Variants in HMCN2 observed in about 807,000 individuals in gnomAD.
HMCN2 encodes hemicentin-2.
A neutral mutation model predicts 377.5 loss-of-function variants in HMCN2; 325 were observed. That is an observed-to-expected ratio of 0.86 (90% CI 0.79 to 0.94). The LOEUF is 0.94. Ranked by LOEUF, HMCN2 falls within the 40% of genes least tolerant of loss-of-function variation. HMCN2 has a pLI of 0.00. For synonymous variants in HMCN2, 2,007 were observed against 2,046.8 expected, an observed-to-expected ratio of 0.98 and a Z score of 0.53; for missense variants, 4,543 against 4,725.3, an observed-to-expected ratio of 0.96 and a Z score of 1.13.
rs1381133379 is a variant in HMCN2 at position 130,265,914 on chromosome 9, C to G, written c.36C>G (p.Thr12=). 1.9e-5 allele frequency: 7 copies of G among 377,818 alleles called. No homozygotes were observed. Among genetic ancestry groups the G allele is most frequent in the African/African-American group, 1.8e-4 (7 of 39,052 alleles). 23.4% of individuals were successfully genotyped at this position (377,818 alleles called of 1,614,324 possible). Residue 12 remains threonine, a synonymous_variant, in exon 1 of 98, where the codon ACC becomes ACG. Coordinates refer to ENST00000683500, the MANE Select transcript of HMCN2 (RefSeq NM_001291815.2). ...MPGAPLLRLL[T]AVSAAVAVAV... ...GGGCGCCGCTCCTGCGGCTGCTGACCGCGGTCTCTGCGGCAGTGGCAGTGG... is the reference window on the plus strand; with the variant it reads ...GGGCGCCGCTCCTGCGGCTGCTGACGGCGGTCTCTGCGGCAGTGGCAGTGG...
intron 19 of HMCN2, among the ~76,000 whole-genome samples, chr9:130,325,096 C>CTTTTTTTTTTT (rs878863979): frequency 1.6e-5 from 2 of 128,066 alleles, no homozygotes; most frequent in Non-Finnish European, 3.2e-5. Context: ...TCTTCTTCTT[C>CTTTTTTTTTTT]TTTTTTTTTT....
Position 130,265,957 on chromosome 9 carries a change from G to A in HMCN2, c.79G>A (p.Gly27Arg), listed in dbSNP as rs1217148879. 6.6e-6 allele frequency: 3 copies of A among 455,048 alleles called. No individual in the cohort carries two copies. Among genetic ancestry groups the A allele is most frequent in the Non-Finnish European group, 1.4e-5 (3 of 219,944 alleles). The allele number at this position is 455,048 out of a possible 1,614,324, so 28.2% of individuals were successfully genotyped here. Reference sequence around the variant, plus strand: ...GGCAGTGGCAGTGGCCGGGGCGCCCGGGACGGTAATGCCCCCCACCACGGG... The same window carrying A: ...GGCAGTGGCAGTGGCCGGGGCGCCCAGGACGGTAATGCCCCCCACCACGGG... ...AVAVAVAGAPGTVMPPTTGDA... is the reference protein window; with the variant it reads ...AVAVAVAGAPRTVMPPTTGDA... Residue 27 changes from glycine (G) to arginine (R), a missense_variant, in exon 1 of 98, where the codon GGG becomes AGG. Gly to Arg is a moderately radical substitution (Grantham distance 125). Around this residue, in one of 5 missense-constraint regions of HMCN2, gnomAD observed 547 missense variants for 189.9 expected, o/e 2.88. Transcript: ENST00000683500.
intron 85 of HMCN2, among the ~76,000 whole-genome samples, chr9:130,411,306 G>T (rs559514448): frequency 5.9e-5 from 9 of 151,894 alleles, no homozygotes; most frequent in African/African-American, 2.2e-4. Context: ...CCTTAAAAAG[G>T]AAGGAAATTC....
intron 27 of HMCN2, 24 bp downstream of exon 27, chr9:130,348,699 G>C (rs146098786): frequency 5.7e-5 from 74 of 1,302,512 alleles, no homozygotes; most frequent in Non-Finnish European, 7.4e-5. Context: ...TAGGGTGGGC[G>C]GGGTATGGGT....
chr9:130,398,538 G>C lies in HMCN2; in HGVS notation c.11327-13G>C. ...CCCCTGCACCTGTCTCCTGACCACT[G>C]TGCTCTCCCCAGAGCCTCCAGCCAT... is the stretch of plus-strand genomic sequence containing the variant. On this transcript the variant is annotated splice_polypyrimidine_tract_variant and intron_variant, in intron 74 of 97. Transcript: ENST00000683500. The C allele has an allele frequency of 8.3e-7, 1 of 1,205,174 alleles. No individual in the cohort carries two copies. 74.7% of individuals were successfully genotyped at this position (1,205,174 alleles called of 1,614,324 possible). A position where few individuals can be genotyped will look rare whatever the true frequency, so the allele number is the denominator to read the frequency against.
intron 40 of HMCN2, 95 bp downstream of exon 40, chr9:130,363,085 G>A: frequency 2.1e-6 from 2 of 953,970 alleles, no homozygotes; most frequent in Non-Finnish European, 2.5e-6. Flanking sequence ...GAGAGGCTGG[G>A]TGGATGGAGG....
In HMCN2 at chr9:130,399,430, C is replaced by T. The variant is rs113060288; in HGVS notation, c.11484-81C>T. The T allele has an allele frequency of 2.1e-5, 25 of 1,176,036 alleles. No individual in the cohort carries two copies. In the African/African-American group the frequency reaches 2.5e-4, roughly 12 times the overall value. The allele number at this position is 1,176,036 out of a possible 1,614,324, so 72.9% of individuals were successfully genotyped here. A position where few individuals can be genotyped will look rare whatever the true frequency, so the allele number is the denominator to read the frequency against. ...GTCAGATACAGGAAGGGGAAATGGG[C>T]GTGAGACCCCCACAGCCAGAAAGCC... is the stretch of plus-strand genomic sequence containing the variant. On this transcript the variant is annotated intron_variant, in intron 75 of 97. Transcript: ENST00000683500.
chr9:130,372,377 G>T lies in HMCN2; in HGVS notation c.7321G>T (p.Ala2441Ser). The change falls in exon 47 of 98, where the codon GCA becomes TCA. Residue 2441 changes from alanine to serine, a missense_variant. Physicochemically the swap from Ala to Ser is moderately conservative, Grantham distance 99. Transcript: ENST00000683500. ...CCTGGCAAGCAACGAGGCTGGGGAG[G>T]CACGGAGGAACTTCAGTGTGGAGGT... ...SCLASNEAGE[A>S]RRNFSVEVLV... 1.0e-6 allele frequency: 1 copy of T among 985,886 alleles called. No homozygotes were observed. The highest frequency in any genetic ancestry group is 1.2e-6 in the Non-Finnish European group (1 of 829,992). The allele number at this position is 985,886 out of a possible 1,614,324, so 61.1% of individuals were successfully genotyped here. A position where few individuals can be genotyped will look rare whatever the true frequency, so the allele number is the denominator to read the frequency against.
At chr9:130,326,077 C>G (rs1338946785) in intron 21 of HMCN2, 107 bp downstream of exon 21, 1 of 152,268 alleles carries the variant, frequency 6.6e-6, no homozygotes, top group Non-Finnish European at 1.5e-5. Context: ...GTTGCATCAG[C>G]AAGTCCTGCA....
chr9:130,354,691 C>G, intron 31 of HMCN2, 72 bp from the exon 32 acceptor site: 1 of 1,192,306 alleles, frequency 8.4e-7, no homozygotes, highest in Non-Finnish European at 1.1e-6. Flanking sequence ...CTTCAGCGGG[C>G]CTGTTGGGCT....
Position 130,395,989 on chromosome 9 carries a change from T to A in HMCN2, c.10977T>A (p.Ala3659=), listed in dbSNP as rs534880527. Residue 3659 remains alanine (A), a synonymous_variant, in exon 72 of 98, where the codon GCT becomes GCA. Transcript: ENST00000683500. ...TCCAGCTGCAGGCCCTGAGCACGGC[T>A]GACAGCGGCGACTACAGCTGCACAG... The part of the protein sequence containing the change: ...RFLQLQALST[A]DSGDYSCTAR... 7.8e-7 allele frequency: 1 copy of A among 1,287,582 alleles called. No individual in the cohort carries two copies. The highest frequency in any genetic ancestry group is 5.6e-5 in the East Asian group (1 of 18,016). The allele number at this position is 1,287,582 out of a possible 1,614,324, so 79.8% of individuals were successfully genotyped here.
At chr9:130,363,366 GC>G (rs1271345298) in intron 40 of HMCN2, among the ~76,000 whole-genome samples, 15 of 152,102 alleles carry the variant, frequency 9.9e-5, no homozygotes, top group African/African-American at 3.6e-4. Context: ...GCTTCTCTCG[GC>G]CACCATTTCT....
At chr9:130,284,882 C>A (rs1835336457) in intron 2 of HMCN2, among the ~76,000 whole-genome samples, 1 of 152,220 alleles carries the variant, frequency 6.6e-6, no homozygotes, top group Non-Finnish European at 1.5e-5. Flanking sequence ...CGGTGCTGGG[C>A]TTATTGGTGT....
Position 130,430,319 on chromosome 9 carries a change from G to A in HMCN2, c.14362G>A (p.Ala4788Thr), listed in dbSNP as rs763701384. The change falls in exon 95 of 98, where the codon GCC (alanine) becomes ACC (threonine). Residue 4788 changes from alanine to threonine, a missense_variant. By Grantham distance (58) the Ala-to-Thr change is moderately conservative (BLOSUM62 0). This residue lies in a region of HMCN2 where 1,155 missense variants were observed against 1,157.7 expected (regional missense o/e 1.00). Coordinates refer to ENST00000683500, the MANE Select transcript of HMCN2 (RefSeq NM_001291815.2). ...NECLQLPKAC[A>T]YQCHNLQGSY... ...GTGCCTGCAGCTGCCCAAGGCCTGCGCCTACCAGTGCCACAACCTCCAGGG... is the reference window on the plus strand; with the variant it reads ...GTGCCTGCAGCTGCCCAAGGCCTGCACCTACCAGTGCCACAACCTCCAGGG... 3.5e-5 allele frequency: 54 copies of A among 1,544,812 alleles called. No homozygotes were observed. Among genetic ancestry groups the A allele is most frequent in the South Asian group, 1.2e-4 (10 of 84,044 alleles).
At chr9:130,279,824 G>A (rs527508515) in intron 1 of HMCN2, among the ~76,000 whole-genome samples, 2 of 152,346 alleles carry the variant, frequency 1.3e-5, no homozygotes, top group East Asian at 3.9e-4. Flanking sequence ...CATGGTGAAA[G>A]GGACTTTGCA....
chr9:130,424,307 T>A (rs1406655400), intron 87 of HMCN2, among the ~76,000 whole-genome samples: 1 of 151,296 alleles, frequency 6.6e-6, no homozygotes, highest in Non-Finnish European at 1.5e-5. Flanking sequence ...GCCTCCCAAG[T>A]AGCTGGGACT....
intron 54 of HMCN2, among the ~76,000 whole-genome samples, chr9:130,380,484 G>A (rs1841650725): frequency 6.6e-6 from 1 of 152,066 alleles, no homozygotes; most frequent in African/African-American, 2.4e-5. Flanking sequence ...TTCTACTTTG[G>A]TGCTTGCAAG....
intron 25 of HMCN2, among the ~76,000 whole-genome samples, chr9:130,345,687 C>T (rs1035316551): frequency 9.9e-5 from 15 of 151,726 alleles, no homozygotes; most frequent in African/African-American, 2.9e-4. Flanking sequence ...CAGCCCCTGG[C>T]GGTGGGACAT....
At chr9:130,294,419 A>C (rs1835994962) in intron 4 of HMCN2, among the ~76,000 whole-genome samples, 1 of 152,214 alleles carries the variant, frequency 6.6e-6, no homozygotes, top group South Asian at 2.1e-4. Context: ...AGTCCTGCTT[A>C]GGGAACGTGG....
Sources: allele counts gnomAD v4.1 joint callset (sites outside exome capture counted in the v4.1 genomes callset), GRCh38; gene constraint gnomAD v4.1.1; regional missense constraint gnomAD v4.1.1; transcripts MANE v1.5; gene names NCBI Gene and HGNC (gene_info 2026-07-23, HGNC 2026-07-21).